Variants in PTPRN2 observed in about 807,000 individuals in gnomAD.
PTPRN2 encodes receptor-type tyrosine-protein phosphatase N2.
A neutral mutation model predicts 118.8 loss-of-function variants in PTPRN2; 74 were observed. That is an observed-to-expected ratio of 0.62 (90% CI 0.52 to 0.76). PTPRN2 has a LOEUF of 0.76. Among genes scored for constraint, PTPRN2 ranks in the 30% least tolerant of loss-of-function variants. The pLI, the probability that PTPRN2 is intolerant of heterozygous loss-of-function variation, is 0.00. For synonymous variants in PTPRN2, 641 were observed against 608.0 expected, an observed-to-expected ratio of 1.05 and a Z score of -0.80; for missense variants, 1,481 against 1,394.4, an observed-to-expected ratio of 1.06 and a Z score of -0.99.
chr7:158,043,851 A>T (rs1425466973), intron 11 of PTPRN2, among the ~76,000 whole-genome samples: 4 of 152,244 alleles, frequency 2.6e-5, no homozygotes, highest in African/African-American at 9.6e-5. Flanking sequence ...CGCACAGACC[A>T]TCCTGCACAG....
At chr7:157,790,073 TGTGTGTGTG>T (rs1375516262) in intron 12 of PTPRN2, among the ~76,000 whole-genome samples, 2 of 131,742 alleles carry the variant, frequency 1.5e-5, no homozygotes, top group African/African-American at 2.9e-5. Flanking sequence ...ATGTGTGGTG[TGTGTGTGTG>T]GTGTGTGTGG....
intron 11 of PTPRN2, among the ~76,000 whole-genome samples, chr7:157,920,755 T>C (rs1321274976): frequency 1.3e-5 from 2 of 152,100 alleles, no homozygotes; most frequent in Non-Finnish European, 2.9e-5. Context: ...ATCAACCCTA[T>C]ACCCTCCACA....
chr7:158,017,598 G>A (rs1006550093), intron 11 of PTPRN2, among the ~76,000 whole-genome samples: 1 of 152,224 alleles, frequency 6.6e-6, no homozygotes, highest in Non-Finnish European at 1.5e-5. Flanking sequence ...TAACCACACA[G>A]TTTCAGCATT....
At chr7:157,820,006 C>G (rs980442954) in intron 12 of PTPRN2, among the ~76,000 whole-genome samples, 7 of 151,250 alleles carry the variant, frequency 4.6e-5, no homozygotes, top group Non-Finnish European at 8.8e-5. Context: ...CACAGAGGCA[C>G]TCCACACACA....
intron 11 of PTPRN2, among the ~76,000 whole-genome samples, chr7:158,079,645 A>G (rs1238552096): frequency 6.6e-6 from 1 of 152,242 alleles, no homozygotes; most frequent in African/African-American, 2.4e-5. Flanking sequence ...ATTTCTGCAT[A>G]ATACCTGATC....
intron 11 of PTPRN2, chr7:158,028,750 G>A (rs1276060314): frequency 6.6e-6 from 1 of 152,332 alleles, no homozygotes; most frequent in Non-Finnish European, 1.5e-5. Flanking sequence ...TTTACCCAGA[G>A]CTACTATGTC....
At chr7:157,995,803 T>A (rs1804679967) in intron 11 of PTPRN2, among the ~76,000 whole-genome samples, 1 of 152,222 alleles carries the variant, frequency 6.6e-6, no homozygotes, top group Non-Finnish European at 1.5e-5. Context: ...TACGGCAAAC[T>A]CAAGTTTAAG....
intron 4 of PTPRN2, among the ~76,000 whole-genome samples, chr7:158,204,375 A>G (rs1379699994): frequency 3.9e-5 from 6 of 152,252 alleles, no homozygotes; most frequent in African/African-American, 1.4e-4. Flanking sequence ...TGATCCTGCC[A>G]GGACACTTAA....
At chr7:157,581,832 T>C (rs1235768143) in intron 17 of PTPRN2, among the ~76,000 whole-genome samples, 1 of 152,140 alleles carries the variant, frequency 6.6e-6, no homozygotes, top group Non-Finnish European at 1.5e-5. Context: ...TGAGGGTGGG[T>C]CCCAATCCAA....
chr7:157,583,187 G>A lies in PTPRN2; in HGVS notation c.2497-5047C>T, dbSNP rs551972400. Reference sequence around the variant, plus strand: ...ATTTTTGACAACATGGATGAACCTGGAGGACACGACGTTAAATTGAAATAA... The same window carrying A: ...ATTTTTGACAACATGGATGAACCTGAAGGACACGACGTTAAATTGAAATAA... On this transcript the variant is annotated intron_variant, in intron 17 of 22. Transcript: ENST00000389418. This position sits in a 1 kb window ranked among gnomAD's most constrained non-coding sequence, Gnocchi z 5.5. Among the ~76,000 whole-genome samples, 167 of 152,228 alleles carry A rather than the reference G, an allele frequency of 1.1e-3. No individual in the cohort carries two copies. Among genetic ancestry groups the A allele is most frequent in the African/African-American group, 3.9e-3 (163 of 41,534 alleles).
At chr7:158,560,569 G>A (rs73512206) in intron 1 of PTPRN2, among the ~76,000 whole-genome samples, 125 of 152,400 alleles carry the variant, frequency 8.2e-4, no homozygotes, top group African/African-American at 2.8e-3. Context: ...CTTGCGCTCC[G>A]CGCGCAGGAC....
intron 11 of PTPRN2, among the ~76,000 whole-genome samples, chr7:158,058,587 G>C (rs369697699): frequency 4.3e-4 from 29 of 67,818 alleles, no homozygotes; most frequent in African/African-American, 1.6e-3. Context: ...CCCACGGTGA[G>C]ACATCACTGC....
chr7:157,818,090 G>C (rs746396289), intron 12 of PTPRN2, among the ~76,000 whole-genome samples: 1 of 151,518 alleles, frequency 6.6e-6, no homozygotes, highest in African/African-American at 2.4e-5. Context: ...TGCATATGTG[G>C]TATGTGTGTT....
At chr7:158,075,901 C>T (rs907120184) in intron 11 of PTPRN2, among the ~76,000 whole-genome samples, 5 of 152,236 alleles carry the variant, frequency 3.3e-5, no homozygotes, top group Admixed American at 6.5e-5. Flanking sequence ...CGTGACACAG[C>T]GGCCCACGTG....
rs1388798350 is a variant in PTPRN2 at position 157,615,981 on chromosome 7, G to A, written c.2344+5381C>T. On this transcript the variant is annotated intron_variant, in intron 15 of 22. Coordinates refer to ENST00000389418, the MANE Select transcript of PTPRN2 (RefSeq NM_002847.5). This position sits in a 1 kb window ranked among gnomAD's most constrained non-coding sequence, Gnocchi z 4.3. ...TAAAGTGGGAGGCCTGATCCAGGAA[G>A]AAGCACACCGTGGCCTGGGGCCCCT... 8.4e-6 allele frequency: 2 copies of A among 238,338 alleles called. No individual in the cohort carries two copies. Among genetic ancestry groups the A allele is most frequent in the Non-Finnish European group, 1.7e-5 (2 of 120,106 alleles). 14.8% of individuals were successfully genotyped at this position (238,338 alleles called of 1,614,324 possible).
intron 2 of PTPRN2, among the ~76,000 whole-genome samples, chr7:158,442,108 AGTGGTG>A (rs1270970315): frequency 6.9e-4 from 93 of 135,368 alleles, no homozygotes; most frequent in Middle Eastern, 8.5e-3. Flanking sequence ...TGGTCACGGC[AGTGGTG>A]GTGGTGGTGA....
At chr7:158,250,994 C>T (rs748503378) in intron 3 of PTPRN2, among the ~76,000 whole-genome samples, 3 of 151,110 alleles carry the variant, frequency 2.0e-5, no homozygotes, top group Admixed American at 6.6e-5. Context: ...GTAACAAGTA[C>T]GGAAGTTAAA....
intron 3 of PTPRN2, among the ~76,000 whole-genome samples, chr7:158,234,725 C>G (rs1222587748): frequency 6.6e-6 from 1 of 152,180 alleles, no homozygotes; most frequent in East Asian, 1.9e-4. Flanking sequence ...AAATACAAAT[C>G]AAAATCACAA....
chr7:158,330,229 C>A (rs1804096714), intron 2 of PTPRN2, among the ~76,000 whole-genome samples: 1 of 147,362 alleles, frequency 6.8e-6, no homozygotes, highest in South Asian at 2.3e-4. Flanking sequence ...CACCTGCAGA[C>A]GTCACTCACA....
Sources: allele counts gnomAD v4.1 joint callset (sites outside exome capture counted in the v4.1 genomes callset), GRCh38; gene constraint gnomAD v4.1.1; non-coding constraint Gnocchi (gnomAD v3.1); transcripts MANE v1.5; gene names NCBI Gene and HGNC (gene_info 2026-07-23, HGNC 2026-07-21).